The following AHNAK variants were observed in gnomAD, a reference collection of about 807,000 sequenced individuals.
AHNAK encodes AHNAK nucleoprotein.
Under a neutral mutation model 37.8 loss-of-function variants are expected in AHNAK, and 23 were observed. The ratio of observed to expected loss-of-function variants is 0.61; its 90% CI spans 0.44 to 0.86. The LOEUF (loss-of-function observed/expected upper bound fraction) is 0.86. Among genes scored for constraint, AHNAK ranks in the 40% least tolerant of loss-of-function variants. The pLI is 0.00. For synonymous variants in AHNAK, 2,481 were observed against 2,636.3 expected, an observed-to-expected ratio of 0.94 and a Z score of 1.80; for missense variants, 7,411 against 7,319.4, an observed-to-expected ratio of 1.01 and a Z score of -0.46.
Position 62,523,257 on chromosome 11 carries a change from G to C in AHNAK, c.11160C>G (p.Asn3720Lys), listed in dbSNP as rs889077384. ...TGAATTTACCCTCTGAGCCTTCGAT[G>C]TTAATGTCAGGAGTGTCAATGTCCA... ...PKVDIDTPDI[N>K]IEGSEGKFKG... Residue 3720 changes from asparagine (N) to lysine (K), a missense_variant, in exon 5 of 5, where the codon AAC becomes AAG. Transcript: ENST00000378024. 6.2e-7 allele frequency: 1 copy of C among 1,612,796 alleles called. No individual in the cohort carries two copies. The highest frequency in any genetic ancestry group is 1.3e-5 in the African/African-American group (1 of 74,448).
At chr11:62,440,930 C>T (rs552847115) in intron 5 of AHNAK, among the ~76,000 whole-genome samples, 4 of 152,084 alleles carry the variant, frequency 2.6e-5, no homozygotes, top group Admixed American at 6.5e-5. Flanking sequence ...CTTTGTGAGG[C>T]GAAGACAGGT....
intron 4 of AHNAK, chr11:62,491,947 C>G (rs1262426831): frequency 4.7e-6 from 4 of 845,512 alleles, no homozygotes; most frequent in Non-Finnish European, 7.4e-6. Flanking sequence ...TTACCACTAC[C>G]ACCCCCCAAC....
At position 62,522,244 on chromosome 11, in the gene AHNAK, A is replaced by G. The variant is rs1940278918; in HGVS notation, c.12173T>C (p.Leu4058Pro). ...DVDVHGPDWH[L>P]KMPKVKMPKF... Reference sequence around the variant, plus strand: ...GGGCATTTTCACCTTGGGCATCTTCAGGTGCCAGTCTGGGCCATGAACATC... The same window carrying G: ...GGGCATTTTCACCTTGGGCATCTTCGGGTGCCAGTCTGGGCCATGAACATC... The change falls in exon 5 of 5, where the codon CTG becomes CCG. Residue 4058 changes from leucine to proline, a missense_variant. Coordinates refer to ENST00000378024, the MANE Select transcript of AHNAK (RefSeq NM_001620.3). 3 of 1,612,628 alleles carry G rather than the reference A, an allele frequency of 1.9e-6. No individual in the cohort carries two copies. Among genetic ancestry groups the G allele is most frequent in the African/African-American group, 2.7e-5 (2 of 74,358 alleles).
At chr11:62,458,324 C>A (rs1396592074) in intron 5 of AHNAK, among the ~76,000 whole-genome samples, 1 of 151,994 alleles carries the variant, frequency 6.6e-6, no homozygotes, top group Non-Finnish European at 1.5e-5. Flanking sequence ...CTTCTTCATC[C>A]CCACGTCAGA....
intron 1 of AHNAK, among the ~76,000 whole-genome samples, chr11:62,541,288 G>T (rs2134265207): frequency 6.6e-6 from 1 of 152,360 alleles, no homozygotes; most frequent in Non-Finnish European, 1.5e-5. Context: ...CCGAGGGGAA[G>T]AAAATCACCC....
chr11:62,535,929 C>A lies in AHNAK; in HGVS notation c.154+16G>T. 1.9e-6 allele frequency: 3 copies of A among 1,605,982 alleles called. No individual in the cohort carries two copies. The highest frequency in any genetic ancestry group is 2.7e-5 in the African/African-American group (2 of 74,864). On this transcript the variant is annotated intron_variant, in intron 3 of 4. Coordinates refer to ENST00000378024, the MANE Select transcript of AHNAK (RefSeq NM_001620.3). ...CCCAACCACCAGCACCCAGTCCACA[C>A]CCTGGGGTGACTCACCCTCCTTGAC... is the stretch of plus-strand genomic sequence containing the variant.
chr11:62,541,653 ACTGTGTTG>A (rs1941128142), intron 1 of AHNAK, among the ~76,000 whole-genome samples: 1 of 152,232 alleles, frequency 6.6e-6, no homozygotes, highest in South Asian at 2.1e-4. Context: ...TGTGCCAGGG[ACTGTGTTG>A]GCAACATCCC....
At position 62,522,189 on chromosome 11, in the gene AHNAK, C is replaced by A; in HGVS notation, c.12228G>T (p.Glu4076Asp). Reference protein sequence around the residue: ...PKFSMPGFKGEGPEVDVNLPK... With the variant: ...PKFSMPGFKGDGPEVDVNLPK... ...GCAAATTAACATCCACTTCTGGGCC[C>A]TCTCCTTTAAATCCTGGCATGCTGA... The change falls in exon 5 of 5, where the codon GAG becomes GAT. Residue 4076 changes from glutamate (E) to aspartate (D), a missense_variant. Glu to Asp is a conservative substitution (Grantham distance 45). Coordinates refer to ENST00000378024, the MANE Select transcript of AHNAK (RefSeq NM_001620.3). The A allele has an allele frequency of 6.2e-7, 1 of 1,612,334 alleles. No individual in the cohort carries two copies. The highest frequency in any genetic ancestry group is 1.1e-5 in the South Asian group (1 of 90,990).
At chr11:62,496,538 T>G (rs990300859) in intron 4 of AHNAK, among the ~76,000 whole-genome samples, 3 of 152,132 alleles carry the variant, frequency 2.0e-5, no homozygotes, top group Admixed American at 2.0e-4. Context: ...GGCTCACACC[T>G]GTAATCCCAG....
At chr11:62,475,601 A>ATTTTT (rs1939126267) in intron 5 of AHNAK, among the ~76,000 whole-genome samples, 1 of 36,222 alleles carries the variant, frequency 2.8e-5, no homozygotes, top group Non-Finnish European at 5.9e-5. Flanking sequence ...GTTATGTTAT[A>ATTTTT]CTTTTTTTTT....
intron 1 of AHNAK, among the ~76,000 whole-genome samples, chr11:62,539,632 C>G (rs1941063245): frequency 6.6e-6 from 1 of 152,226 alleles, no homozygotes; most frequent in Admixed American, 6.5e-5. Context: ...GGGCAGAAGT[C>G]CCTTTTGAGG....
In AHNAK at chr11:62,522,206, G is replaced by C. The variant is rs763980510; in HGVS notation, c.12211C>G (p.Pro4071Ala). ...TCTGGGCCCTCTCCTTTAAATCCTG[G>C]CATGCTGAATTTGGGCATTTTCACC... Reference protein sequence around the residue: ...PKVKMPKFSMPGFKGEGPEVD... With the variant: ...PKVKMPKFSMAGFKGEGPEVD... The change falls in exon 5 of 5, where the codon CCA (proline) becomes GCA (alanine). Residue 4071 changes from proline (P) to alanine (A), a missense_variant. Coordinates refer to ENST00000378024, the MANE Select transcript of AHNAK (RefSeq NM_001620.3). 4.3e-6 allele frequency: 7 copies of C among 1,612,900 alleles called. No individual in the cohort carries two copies. Among genetic ancestry groups the C allele is most frequent in the South Asian group, 2.2e-5 (2 of 91,034 alleles).
chr11:62,502,441 GA>G (rs1939729343), intron 4 of AHNAK, among the ~76,000 whole-genome samples: 2 of 152,240 alleles, frequency 1.3e-5, no homozygotes, highest in African/African-American at 2.4e-5. Flanking sequence ...GTAATTGACA[GA>G]AGGAAAATTG....
At chr11:62,535,485 C>T (rs888440536) in intron 3 of AHNAK, among the ~76,000 whole-genome samples, 3 of 151,956 alleles carry the variant, frequency 2.0e-5, no homozygotes, top group South Asian at 2.1e-4. Context: ...CCCGTCTCTA[C>T]TAAAAATGCA....
At chr11:62,454,485 C>G (rs1197747994) in intron 5 of AHNAK, among the ~76,000 whole-genome samples, 1 of 151,262 alleles carries the variant, frequency 6.6e-6, no homozygotes, top group Non-Finnish European at 1.5e-5. Flanking sequence ...TATGAAAAAC[C>G]AATCTAAATA....
At chr11:62,495,105 T>C (rs1669441050) in intron 4 of AHNAK, among the ~76,000 whole-genome samples, 1 of 151,522 alleles carries the variant, frequency 6.6e-6, no homozygotes, top group Non-Finnish European at 1.5e-5. Flanking sequence ...AAGTCAAGGC[T>C]ACAGTGAGCT....
Position 62,529,058 on chromosome 11 carries a change from C to A in AHNAK, c.5359G>T (p.Asp1787Tyr). 1 of 1,614,204 alleles carries A rather than the reference C, an allele frequency of 6.2e-7. No homozygotes were observed. Among genetic ancestry groups the A allele is most frequent in the East Asian group, 2.2e-5 (1 of 44,884 alleles). ...KAPKVSMPDV[D>Y]LNLKGPKLKG... ...AGTTTGGGTCCCTTCAAATTCAAGT[C>A]CACATCTGGCATGGAGACCTTGGGA... Residue 1787 changes from aspartate (D) to tyrosine (Y), a missense_variant, in exon 5 of 5, where the codon GAC becomes TAC. Coordinates refer to ENST00000378024, the MANE Select transcript of AHNAK (RefSeq NM_001620.3).
At chr11:62,464,173 A>G (rs1938854945) in intron 5 of AHNAK, among the ~76,000 whole-genome samples, 1 of 151,638 alleles carries the variant, frequency 6.6e-6, no homozygotes, top group South Asian at 2.1e-4. Flanking sequence ...AACCACAGGA[A>G]CGGGCCACCA....
rs1296074062 is a variant in AHNAK at position 62,520,214 on chromosome 11, C to T, written c.14203G>A (p.Val4735Met). The T allele has an allele frequency of 6.2e-7, 1 of 1,613,206 alleles. No homozygotes were observed. The change falls in exon 5 of 5, where the codon GTG becomes ATG. Residue 4735 changes from valine (V) to methionine (M), a missense_variant. Coordinates refer to ENST00000378024, the MANE Select transcript of AHNAK (RefSeq NM_001620.3). Reference protein sequence around the residue: ...DIDLNLKGPKVKGDVDVTLPK... With the variant: ...DIDLNLKGPKMKGDVDVTLPK... ...AGGGTAACATCCACATCGCCCTTCA[C>T]TTTGGGTCCTTTCAGGTTTAAGTCA... is the stretch of plus-strand genomic sequence containing the variant.
Sources: gnomAD v4.1 joint callset for allele counts (sites outside exome capture counted in the v4.1 genomes callset) on GRCh38, gnomAD v4.1.1 for gene constraint, MANE v1.5 for transcripts, NCBI Gene and HGNC (gene_info 2026-07-23, HGNC 2026-07-21) for gene names.